Variants in RERE observed in about 807,000 individuals in gnomAD.
RERE encodes the protein arginine-glutamic acid dipeptide repeats protein.
A neutral mutation model predicts 146.1 loss-of-function variants in RERE; 40 were observed. That is an observed-to-expected ratio of 0.27 (90% confidence interval 0.21 to 0.36). The LOEUF (loss-of-function observed/expected upper bound fraction) is 0.36, where lower values mean the gene tolerates loss of function less well. Ranked by LOEUF, RERE falls within the 10% of genes least tolerant of loss-of-function variation. RERE has a pLI of 1.00. For synonymous variants in RERE, 1,003 were observed against 866.0 expected (o/e 1.16, Z -2.78); for missense variants, 1,933 against 2,138.7 (o/e 0.90, Z 1.90).
intron 1 of RERE, among the ~76,000 whole-genome samples, chr1:8,787,357 GTCTC>G (rs1356534276): frequency 1.3e-5 from 2 of 152,156 alleles, no homozygotes; most frequent in African/African-American, 4.8e-5. Flanking sequence ...CCCTGTCAGT[GTCTC>G]TCTCTTTGTC....
intron 11 of RERE, among the ~76,000 whole-genome samples, chr1:8,457,970 C>T (rs190511064): frequency 5.6e-4 from 85 of 152,170 alleles, no homozygotes; most frequent in African/African-American, 1.7e-3. Context: ...GAATGACTTC[C>T]TCTCATGGTA....
chr1:8,454,806 A>G (rs1644432346), intron 11 of RERE, among the ~76,000 whole-genome samples: 1 of 150,978 alleles, frequency 6.6e-6, no homozygotes, highest in Admixed American at 6.6e-5. Flanking sequence ...CTCTGTTTCA[A>G]ACAAACAAAC....
intron 1 of RERE, among the ~76,000 whole-genome samples, chr1:8,784,881 A>T (rs1484898272): frequency 3.3e-5 from 5 of 152,198 alleles, no homozygotes; most frequent in Non-Finnish European, 7.4e-5. Flanking sequence ...ACCTTCACCC[A>T]CTTTTCACAG....
chr1:8,394,802 T>C (rs1172754833), intron 12 of RERE, among the ~76,000 whole-genome samples: 1 of 152,172 alleles, frequency 6.6e-6, no homozygotes, highest in East Asian at 1.9e-4. Context: ...CTAGTATATA[T>C]ATATATTATA....
intron 8 of RERE, among the ~76,000 whole-genome samples, chr1:8,503,937 T>C (rs1645215414): frequency 6.6e-6 from 1 of 152,312 alleles, no homozygotes; most frequent in East Asian, 1.9e-4. Context: ...GTAATTTTGT[T>C]GGTGTCATTA....
chr1:8,618,861 G>C (rs528374811), intron 3 of RERE, among the ~76,000 whole-genome samples: 2 of 152,160 alleles, frequency 1.3e-5, no homozygotes, highest in Non-Finnish European at 2.9e-5. Context: ...ATTTGGTGGA[G>C]GGCGGGCAAT....
intron 12 of RERE, among the ~76,000 whole-genome samples, chr1:8,383,874 T>C (rs1406113750): frequency 1.3e-5 from 2 of 151,110 alleles, no homozygotes; most frequent in African/African-American, 4.9e-5. Flanking sequence ...ATAAATAAAA[T>C]AAAATAAAAT....
intron 1 of RERE, among the ~76,000 whole-genome samples, chr1:8,803,874 T>C (rs1235143485): frequency 6.6e-6 from 1 of 152,180 alleles, no homozygotes; most frequent in Admixed American, 6.5e-5. Context: ...CTAAAGTTTC[T>C]GTAGCGTCAA....
intron 1 of RERE, among the ~76,000 whole-genome samples, chr1:8,659,922 T>G (rs1638415717): frequency 6.6e-6 from 1 of 152,100 alleles, no homozygotes; most frequent in African/African-American, 2.4e-5. Context: ...AGCAAGAAAG[T>G]TAAAAATTCA....
chr1:8,577,394 C>T (rs1162917779), intron 4 of RERE, among the ~76,000 whole-genome samples: 1 of 151,748 alleles, frequency 6.6e-6, no homozygotes, highest in Non-Finnish European at 1.5e-5. Flanking sequence ...GGTGTCTGAC[C>T]AACAGAATTG....
chr1:8,674,984 C>T (rs1638802946), intron 1 of RERE, among the ~76,000 whole-genome samples: 1 of 152,192 alleles, frequency 6.6e-6, no homozygotes, highest in South Asian at 2.1e-4. Context: ...GTTAAAACAG[C>T]ATTCTCCAGA....
chr1:8,361,233 G>A lies in RERE; in HGVS notation c.2274C>T (p.Thr758=), dbSNP rs1641566379. 6.5e-7 allele frequency: 1 copy of A among 1,545,036 alleles called. No individual in the cohort carries two copies. Among genetic ancestry groups the A allele is most frequent in the Non-Finnish European group, 8.7e-7 (1 of 1,149,462 alleles). ...TPAPSSAPPG[T]PQLPTPGPTP... is the part of the protein sequence containing the mutation. Reference sequence around the variant, plus strand: ...TGGGCCCTGGCGTGGGCAGCTGAGGGGTCCCTGGAGGAGCTGAGGAGGGAG... The same window carrying A: ...TGGGCCCTGGCGTGGGCAGCTGAGGAGTCCCTGGAGGAGCTGAGGAGGGAG... Residue 758 remains threonine (T), a synonymous_variant, in exon 18 of 23, where the codon ACC becomes ACT. Coordinates refer to ENST00000400908, the MANE Select transcript of RERE (RefSeq NM_001042681.2).
At chr1:8,720,453 A>C (rs1010833442) in intron 1 of RERE, among the ~76,000 whole-genome samples, 2 of 152,188 alleles carry the variant, frequency 1.3e-5, no homozygotes, top group Non-Finnish European at 2.9e-5. Context: ...AAAGTAGAGC[A>C]AGAAGGATTA....
At chr1:8,497,908 T>A (rs529944929) in intron 8 of RERE, among the ~76,000 whole-genome samples, 3 of 152,184 alleles carry the variant, frequency 2.0e-5, no homozygotes, top group Admixed American at 6.5e-5. Flanking sequence ...ATATAACAAG[T>A]TGACAAAGAA....
chr1:8,506,848 A>G (rs1348723701), intron 8 of RERE, among the ~76,000 whole-genome samples: 33 of 152,252 alleles, frequency 2.2e-4, no homozygotes, highest in Non-Finnish European at 2.9e-5. Flanking sequence ...GAGAAAGGAT[A>G]AAATATAGCC....
chr1:8,501,157 AG>A (rs1326660369), intron 8 of RERE, among the ~76,000 whole-genome samples: 3 of 132,702 alleles, frequency 2.3e-5, no homozygotes, highest in South Asian at 2.5e-4. Flanking sequence ...CCCGTCCGGG[AG>A]GGGGGGTCAG....
chr1:8,780,521 T>A (rs1641145111), intron 1 of RERE, among the ~76,000 whole-genome samples: 1 of 152,206 alleles, frequency 6.6e-6, no homozygotes, highest in East Asian at 1.9e-4. Context: ...ATTTAGGTCA[T>A]CTGAGTCAAG....
intron 1 of RERE, among the ~76,000 whole-genome samples, chr1:8,796,991 A>G (rs1641488017): frequency 6.6e-6 from 1 of 152,148 alleles, no homozygotes. Flanking sequence ...CTACTCTGTA[A>G]TCATCCATGG....
intron 12 of RERE, among the ~76,000 whole-genome samples, chr1:8,420,148 A>G (rs1411230189): frequency 1.3e-4 from 20 of 152,212 alleles, no homozygotes; most frequent in Admixed American, 1.2e-3. Context: ...TAACAAAGAA[A>G]TGAGTTAATA....
Sources: allele counts gnomAD v4.1 joint callset (sites outside exome capture counted in the v4.1 genomes callset), GRCh38; gene constraint gnomAD v4.1.1; transcripts MANE v1.5; gene names NCBI Gene and HGNC (gene_info 2026-07-23, HGNC 2026-07-21).